The following TBC1D14 variants were observed in gnomAD, a reference collection of about 807,000 sequenced individuals.
TBC1D14 encodes the protein TBC1 domain family member 14.
A neutral mutation model predicts 79.0 loss-of-function variants in TBC1D14; 26 were observed. The observed-to-expected ratio is 0.33, with a 90% CI of 0.24 to 0.46. The LOEUF is 0.46. Ranked by LOEUF, TBC1D14 falls within the 20% of genes least tolerant of loss-of-function variation. The pLI, the probability that TBC1D14 is intolerant of heterozygous loss-of-function variation, is 1.00. For synonymous variants in TBC1D14, 394 were observed against 349.9 expected, an observed-to-expected ratio of 1.13 and a Z score of -1.40; for missense variants, 769 against 887.6, an observed-to-expected ratio of 0.87 and a Z score of 1.70.
At chr4:6,924,353 C>A (rs947092396) in intron 2 of TBC1D14, among the ~76,000 whole-genome samples, 1 of 152,190 alleles carries the variant, frequency 6.6e-6, no homozygotes, top group Non-Finnish European at 1.5e-5. Flanking sequence ...CTGCCTCTGA[C>A]CTGCTGTGGC....
chr4:7,014,094 A>C (rs1156719912), intron 11 of TBC1D14, among the ~76,000 whole-genome samples: 1 of 152,212 alleles, frequency 6.6e-6, no homozygotes, highest in African/African-American at 2.4e-5. Context: ...TTTAGGAAAG[A>C]GTGAGTCTGT....
intron 2 of TBC1D14, among the ~76,000 whole-genome samples, chr4:6,936,141 A>G (rs987771990): frequency 1.3e-5 from 2 of 152,174 alleles, no homozygotes; most frequent in African/African-American, 4.8e-5. Context: ...CGATGAGTGC[A>G]CACTGGCTGA....
chr4:6,972,000 A>G (rs1469525506), intron 3 of TBC1D14, among the ~76,000 whole-genome samples: 2 of 152,250 alleles, frequency 1.3e-5, no homozygotes, highest in Non-Finnish European at 2.9e-5. Flanking sequence ...AGCTGCCTTC[A>G]GGCCTCTGGT....
At chr4:6,952,930 C>G (rs1460460719) in intron 2 of TBC1D14, among the ~76,000 whole-genome samples, 3 of 151,932 alleles carry the variant, frequency 2.0e-5, no homozygotes, top group Non-Finnish European at 4.4e-5. Flanking sequence ...TCACTGCAAT[C>G]TCTGCCTCCT....
Position 6,919,770 on chromosome 4 carries a change from G to A in TBC1D14, c.-17-3603G>A, listed in dbSNP as rs370964709. 5.9e-5 allele frequency among the ~76,000 whole-genome samples: 9 copies of A among 151,878 alleles called. 1 individual carries two copies. In the East Asian group the frequency reaches 1.2e-3, roughly 20 times the overall value. ...TGAGTAGCTAGGATTACAGGCGTGC[G>A]CCACCATGCCCAGCTAATTTTTGTA... On this transcript the variant is annotated intron_variant, in intron 1 of 13. Coordinates refer to ENST00000409757, the MANE Select transcript of TBC1D14 (RefSeq NM_020773.3).
chr4:6,921,216 TA>T (rs1306153347), intron 1 of TBC1D14, among the ~76,000 whole-genome samples: 1 of 152,152 alleles, frequency 6.6e-6, no homozygotes, highest in Non-Finnish European at 1.5e-5. Flanking sequence ...TTTATTTATT[TA>T]TTTTTGAGAC....
intron 1 of TBC1D14, among the ~76,000 whole-genome samples, chr4:6,917,275 C>T (rs945039639): frequency 1.3e-5 from 2 of 152,218 alleles, no homozygotes; most frequent in African/African-American, 4.8e-5. Context: ...TTAATCCATG[C>T]CAGGCATTTA....
At chr4:6,927,767 A>G (rs1003181828) in intron 2 of TBC1D14, among the ~76,000 whole-genome samples, 7 of 152,218 alleles carry the variant, frequency 4.6e-5, no homozygotes, top group African/African-American at 1.7e-4. Context: ...GTCTCCAGAC[A>G]TTGCCAGATA....
intron 3 of TBC1D14, among the ~76,000 whole-genome samples, chr4:6,988,769 G>A (rs1208253761): frequency 6.6e-6 from 1 of 152,124 alleles, no homozygotes; most frequent in African/African-American, 2.4e-5. Flanking sequence ...GCTTCCAGTA[G>A]CAGGTTATTG....
intron 8 of TBC1D14, among the ~76,000 whole-genome samples, chr4:7,005,996 T>C (rs1423114499): frequency 2.0e-5 from 3 of 152,218 alleles, no homozygotes; most frequent in South Asian, 2.1e-4. Flanking sequence ...CTTTGTGGTA[T>C]TAGAATTCTA....
chr4:7,010,889 A>AC, intron 11 of TBC1D14, 108 bp downstream of exon 11: 2 of 1,358,746 alleles, frequency 1.5e-6, no homozygotes, highest in Non-Finnish European at 2.0e-6. Flanking sequence ...TCTCTCTGTG[A>AC]AGAGATGTTT....
intron 3 of TBC1D14, among the ~76,000 whole-genome samples, chr4:6,978,341 T>A (rs7663854): frequency 6.9e-6 from 1 of 144,198 alleles, no homozygotes; most frequent in Non-Finnish European, 1.5e-5. Flanking sequence ...GGATGGTTGC[T>A]GTGTCTGTGT....
intron 3 of TBC1D14, among the ~76,000 whole-genome samples, chr4:6,979,054 T>C (rs1717117530): frequency 6.6e-6 from 1 of 152,140 alleles, no homozygotes; most frequent in Non-Finnish European, 1.5e-5. Flanking sequence ...TCTAAGTAGA[T>C]TGTGAAAAGT....
At chr4:6,965,610 T>G (rs572066113) in intron 2 of TBC1D14, among the ~76,000 whole-genome samples, 2 of 152,324 alleles carry the variant, frequency 1.3e-5, no homozygotes, top group East Asian at 3.9e-4. Flanking sequence ...GGTGTAATCA[T>G]AGCTCACTGT....
At chr4:7,024,943 A>C in intron 12 of TBC1D14, 61 bp from the exon 13 acceptor site, 1 of 1,592,350 alleles carries the variant, frequency 6.3e-7, no homozygotes, top group Non-Finnish European at 8.6e-7. Context: ...ACTGGAATTC[A>C]CTGTTCTTTC....
intron 3 of TBC1D14, among the ~76,000 whole-genome samples, chr4:6,993,943 G>T (rs565438028): frequency 2.6e-5 from 4 of 152,196 alleles, no homozygotes; most frequent in South Asian, 2.1e-4. Flanking sequence ...CGAGGAGGTG[G>T]AGGTTGCAGT....
chr4:6,947,045 G>A (rs1713538830), intron 2 of TBC1D14, among the ~76,000 whole-genome samples: 2 of 152,070 alleles, frequency 1.3e-5, no homozygotes, highest in African/African-American at 2.4e-5. Context: ...TTTTTGCTCT[G>A]CCATCTCTCT....
chr4:6,941,592 G>A, intron 2 of TBC1D14, among the ~76,000 whole-genome samples: 1 of 152,086 alleles, frequency 6.6e-6, no homozygotes, highest in East Asian at 1.9e-4. Context: ...TAACATTCAG[G>A]AATGGCGTGA....
chr4:6,935,169 G>A (rs1712185104), intron 2 of TBC1D14, among the ~76,000 whole-genome samples: 1 of 152,098 alleles, frequency 6.6e-6, no homozygotes, highest in Non-Finnish European at 1.5e-5. Context: ...TTCTTTTGGT[G>A]GCTTTGCTAC....
Sources: allele counts gnomAD v4.1 joint callset (sites outside exome capture counted in the v4.1 genomes callset), GRCh38; gene constraint gnomAD v4.1.1; transcripts MANE v1.5; gene names NCBI Gene and HGNC (gene_info 2026-07-23, HGNC 2026-07-21).